Variants in PRKN observed in about 807,000 individuals in gnomAD.
PRKN encodes E3 ubiquitin-protein ligase parkin.
Under a neutral mutation model 59.5 loss-of-function variants are expected in PRKN, and 56 were observed. The ratio of observed to expected loss-of-function variants is 0.94; its 90% CI spans 0.76 to 1.18. PRKN has a LOEUF of 1.18. PRKN is among the 50% of genes most tolerant of loss of function. PRKN has a pLI of 0.00. For synonymous variants in PRKN, 250 were observed against 222.1 expected (o/e 1.13, Z -1.12); for missense variants, 657 against 596.4 (o/e 1.10, Z -1.06).
chr6:161,936,209 ATT>A (rs1203820292), intron 6 of PRKN, among the ~76,000 whole-genome samples: 51 of 136,974 alleles, frequency 3.7e-4, no homozygotes, highest in African/African-American at 4.6e-4. Flanking sequence ...TCATGGCAAC[ATT>A]TTTTTTTTTT....
chr6:162,592,511 GT>G (rs1201080148), intron 1 of PRKN, among the ~76,000 whole-genome samples: 1 of 152,160 alleles, frequency 6.6e-6, no homozygotes, highest in Admixed American at 6.5e-5. Flanking sequence ...GTGCCGATCA[GT>G]ATTGGAACTG....
At chr6:161,900,887 TTA>T (rs1322779340) in intron 6 of PRKN, among the ~76,000 whole-genome samples, 1 of 138,294 alleles carries the variant, frequency 7.2e-6, no homozygotes, top group African/African-American at 2.7e-5. Context: ...ATAATATATA[TTA>T]TATATAACAC....
At position 162,637,282 on chromosome 6, in the gene PRKN, C is replaced by A. The variant is rs1208467591; in HGVS notation, c.7+90380G>T. Among the ~76,000 whole-genome samples the A allele has an allele frequency of 4.6e-3, 650 of 141,562 alleles. 9 individuals carry two copies. The highest frequency in any genetic ancestry group is 3.2e-3 in the Non-Finnish European group (207 of 64,438). 92.9% of individuals were successfully genotyped at this position (141,562 alleles called of 152,430 possible). A position where few individuals can be genotyped will look rare whatever the true frequency, so the allele number is the denominator to read the frequency against. Reference sequence around the variant, plus strand: ...CCACCTCCTCCCACCCGCCCCCCCCCCCAAAAAAAAGCAGCAGCAAAATAA... The same window carrying A: ...CCACCTCCTCCCACCCGCCCCCCCCACCAAAAAAAAGCAGCAGCAAAATAA... On this transcript the variant is annotated intron_variant, in intron 1 of 11. Coordinates refer to ENST00000366898, the MANE Select transcript of PRKN (RefSeq NM_004562.3).
intron 9 of PRKN, among the ~76,000 whole-genome samples, chr6:161,443,606 T>A (rs146101307): frequency 6.6e-6 from 1 of 152,088 alleles, no homozygotes; most frequent in Non-Finnish European, 1.5e-5. Context: ...TAATGGTAAA[T>A]AGATAACCCA....
chr6:161,745,521 C>T (rs768388520), intron 7 of PRKN, among the ~76,000 whole-genome samples: 10 of 152,156 alleles, frequency 6.6e-5, no homozygotes, highest in Non-Finnish European at 1.2e-4. Context: ...ACCAGGGGCA[C>T]CAAGCAACCT....
intron 1 of PRKN, among the ~76,000 whole-genome samples, chr6:162,685,266 AGC>A (rs1779926998): frequency 6.6e-6 from 1 of 152,194 alleles, no homozygotes; most frequent in Non-Finnish European, 1.5e-5. Flanking sequence ...TTTACAGCAC[AGC>A]TGGTCATGAA....
intron 6 of PRKN, among the ~76,000 whole-genome samples, chr6:161,864,102 G>A (rs574586501): frequency 7.2e-5 from 11 of 152,214 alleles, no homozygotes; most frequent in African/African-American, 2.4e-4. Flanking sequence ...ACAATAAAAC[G>A]AAGACAAAGT....
At chr6:162,658,676 A>C (rs1450902486) in intron 1 of PRKN, among the ~76,000 whole-genome samples, 1 of 71,776 alleles carries the variant, frequency 1.4e-5, no homozygotes. Flanking sequence ...AAAAAAAAGA[A>C]AAAAAAAAGA....
At chr6:162,630,727 C>T (rs1328947969) in intron 1 of PRKN, among the ~76,000 whole-genome samples, 1 of 152,086 alleles carries the variant, frequency 6.6e-6, no homozygotes, top group African/African-American at 2.4e-5. Flanking sequence ...ATTTTGTCCA[C>T]ATCTTCCCTT....
At chr6:161,848,033 A>G (rs1023414005) in intron 6 of PRKN, among the ~76,000 whole-genome samples, 11 of 152,198 alleles carry the variant, frequency 7.2e-5, no homozygotes, top group African/African-American at 2.7e-4. Flanking sequence ...TTATCTTACA[A>G]GTGAGGAAAC....
intron 9 of PRKN, among the ~76,000 whole-genome samples, chr6:161,406,351 C>G (rs1253568425): frequency 6.6e-6 from 1 of 152,020 alleles, no homozygotes; most frequent in Non-Finnish European, 1.5e-5. Context: ...TGCTGATCCA[C>G]TATGGGCACA....
intron 8 of PRKN, among the ~76,000 whole-genome samples, chr6:161,563,160 G>T (rs1780518072): frequency 6.6e-6 from 1 of 151,742 alleles, no homozygotes. Context: ...TTAGTCTCAG[G>T]GCTCCTCAAC....
intron 5 of PRKN, among the ~76,000 whole-genome samples, chr6:162,038,694 T>C (rs1422105613): frequency 6.6e-6 from 1 of 152,212 alleles, no homozygotes; most frequent in African/African-American, 2.4e-5. Flanking sequence ...TGTAAATATG[T>C]CACTGATGTT....
intron 4 of PRKN, among the ~76,000 whole-genome samples, chr6:162,152,309 C>T (rs1782308075): frequency 6.6e-6 from 1 of 152,114 alleles, no homozygotes; most frequent in African/African-American, 2.4e-5. Context: ...TCCTAATTTT[C>T]ATCCAAAGTC....
At chr6:162,290,347 A>T (rs1384847456) in intron 2 of PRKN, among the ~76,000 whole-genome samples, 1 of 152,042 alleles carries the variant, frequency 6.6e-6, no homozygotes, top group East Asian at 1.9e-4. Flanking sequence ...TCATTTTTCC[A>T]CTCTTGAGTG....
At chr6:162,644,954 A>G (rs1778109618) in intron 1 of PRKN, among the ~76,000 whole-genome samples, 1 of 152,194 alleles carries the variant, frequency 6.6e-6, no homozygotes, top group African/African-American at 2.4e-5. Flanking sequence ...AGAACTTAGC[A>G]TAGCTCTTAG....
At chr6:161,777,042 G>A (rs1008647434) in intron 7 of PRKN, among the ~76,000 whole-genome samples, 4 of 152,092 alleles carry the variant, frequency 2.6e-5, no homozygotes, top group African/African-American at 4.8e-5. Context: ...GAACGCAGGC[G>A]CTAGAGCCAT....
At chr6:162,267,973 T>G (rs9355391) in intron 2 of PRKN, among the ~76,000 whole-genome samples, 45,475 of 152,064 alleles carry the variant, frequency 0.3, 9,846 homozygotes, top group African/African-American at 0.62. Context: ...GAGTTACAAA[T>G]ATCATCTCTA....
In PRKN at chr6:161,446,053, A is replaced by G. The variant is rs1789475670; in HGVS notation, c.1084-59176T>C. Among the ~76,000 whole-genome samples the G allele has an allele frequency of 7.0e-6, 1 of 142,002 alleles. No individual in the cohort carries two copies. Among genetic ancestry groups the G allele is most frequent in the African/African-American group, 2.6e-5 (1 of 37,930 alleles). The allele number at this position is 142,002 out of a possible 152,430, so 93.2% of individuals were successfully genotyped here. On this transcript the variant is annotated intron_variant, in intron 9 of 11. Transcript: ENST00000366898. The surrounding 1 kb of genome is among the most constrained non-coding windows in gnomAD (Gnocchi z 6.2). ...ACCCTGTCTCTATAAAAAATATAAA[A>G]CTTAGCTGGGTGTGGTGGCACATGC...
Sources: gnomAD v4.1 joint callset for allele counts (sites outside exome capture counted in the v4.1 genomes callset) on GRCh38, gnomAD v4.1.1 for gene constraint, Gnocchi (gnomAD v3.1) non-coding constraint, MANE v1.5 for transcripts, NCBI Gene and HGNC (gene_info 2026-07-23, HGNC 2026-07-21) for gene names.